The following ACTR8 variants were observed in gnomAD, a reference collection of about 807,000 sequenced individuals.
ACTR8 encodes actin-related protein 8.
Under a neutral mutation model 84.3 loss-of-function variants are expected in ACTR8, and 70 were observed. The observed-to-expected ratio is 0.83, with a 90% CI of 0.68 to 1.01. The LOEUF (loss-of-function observed/expected upper bound fraction) is 1.01, where lower values mean the gene tolerates loss of function less well. Ranked by LOEUF, ACTR8 falls within the 50% of genes least tolerant of loss-of-function variation. The pLI is 0.00. For synonymous variants in ACTR8, 268 were observed against 275.2 expected (o/e 0.97, Z 0.26); for missense variants, 672 against 775.4 (o/e 0.87, Z 1.58).
chr3:53,878,657 T>C (rs1700012440), intron 2 of ACTR8, among the ~76,000 whole-genome samples, 190 bp from the exon 3 acceptor site: 2 of 152,118 alleles, frequency 1.3e-5, no homozygotes, highest in Non-Finnish European at 2.9e-5. Flanking sequence ...ACACCATCTC[T>C]ACAAAAAATA....
chr3:53,877,799 G>A, intron 3 of ACTR8, 48 bp from the exon 4 acceptor site: 1 of 1,530,460 alleles, frequency 6.5e-7, no homozygotes, highest in Non-Finnish European at 9.0e-7. Context: ...TTCAAGGCGG[G>A]GGCAACATAA....
Position 53,871,428 on chromosome 3 carries a change from G to A in ACTR8, c.1371C>T (p.Gly457=), listed in dbSNP as rs768538846. ...KPIGFEGDLR[G]QSSDLPERLH... is the part of the protein sequence containing the mutation. ...GTCTTTCTGGAAGATCAGAGGACTG[G>A]CCACGAAGATCCCCTTCAAATCCAA... Residue 457 remains glycine, a synonymous_variant, in exon 11 of 13, where the codon GGC becomes GGT. Transcript: ENST00000335754. The A allele has an allele frequency of 2.0e-5, 33 of 1,614,076 alleles. No individual in the cohort carries two copies. Among genetic ancestry groups the A allele is most frequent in the Non-Finnish European group, 2.8e-5 (33 of 1,180,038 alleles).
chr3:53,869,433 GACTT>G (rs1169651253), intron 12 of ACTR8, among the ~76,000 whole-genome samples: 4 of 152,142 alleles, frequency 2.6e-5, no homozygotes, highest in Non-Finnish European at 2.9e-5. Flanking sequence ...ATAAATAAAT[GACTT>G]ACTTATTTCG....
At chr3:53,881,496 G>T (rs994217884) in intron 1 of ACTR8, among the ~76,000 whole-genome samples, 22 of 152,144 alleles carry the variant, frequency 1.4e-4, no homozygotes, top group South Asian at 6.2e-4. Context: ...TTGCTTTTAA[G>T]CTTGAAATGA....
In ACTR8 at chr3:53,876,009, C is replaced by T. The variant is rs752599288; in HGVS notation, c.850G>A (p.Val284Ile). Residue 284 changes from valine to isoleucine, a missense_variant, in exon 7 of 13, where the codon GTT (valine) becomes ATT (isoleucine). By Grantham distance (29) the Val-to-Ile change is conservative. Transcript: ENST00000335754. ...CATACACTTGTCTTCTGGTCCCCAA[C>T]GTCTACAATACACGTGCTGCTTAAG... The part of the protein sequence containing the change: ...SGLSSTCIVD[V>I]GDQKTSVCCV... 1.2e-5 allele frequency: 19 copies of T among 1,614,172 alleles called. No homozygotes were observed. Among genetic ancestry groups the T allele is most frequent in the African/African-American group, 4.0e-5 (3 of 75,048 alleles).
Position 53,871,513 on chromosome 3 carries a change from C to T in ACTR8, c.1303-17G>A, listed in dbSNP as rs1426042182. On this transcript the variant is annotated splice_polypyrimidine_tract_variant and intron_variant, in intron 10 of 12. Coordinates refer to ENST00000335754, the MANE Select transcript of ACTR8 (RefSeq NM_022899.5). ...TTTTGCAGACTTTAAATCAAAAGGA[C>T]AATCAAGTATGTGGTATTACAACAA... 2 of 1,613,034 alleles carry T rather than the reference C, an allele frequency of 1.2e-6. No homozygotes were observed. The highest frequency in any genetic ancestry group is 1.7e-5 in the Admixed American group (1 of 59,988).
chr3:53,880,459 CA>C (rs771936514), intron 1 of ACTR8, among the ~76,000 whole-genome samples: 2 of 152,192 alleles, frequency 1.3e-5, no homozygotes, highest in Non-Finnish European at 2.9e-5. Context: ...GATCTGTCTG[CA>C]AATTCAGACT....
At chr3:53,875,838 T>C in intron 7 of ACTR8, 110 bp downstream of exon 7, 2 of 1,494,900 alleles carry the variant, frequency 1.3e-6, no homozygotes, top group Admixed American at 2.0e-5. Flanking sequence ...ATGCAGACTT[T>C]TGAATTTATG....
chr3:53,866,627 ACC>A (rs1699789671), downstream of ACTR8, among the ~76,000 whole-genome samples: 1 of 148,094 alleles, frequency 6.8e-6, no homozygotes, highest in African/African-American at 2.5e-5. Flanking sequence ...GACTACAGGC[ACC>A]CACCACCACA....
intron 1 of ACTR8, chr3:53,881,700 G>A (rs1036061004): frequency 1.9e-6 from 1 of 535,470 alleles, no homozygotes; most frequent in South Asian, 2.0e-5. Context: ...GCTGAGGCCA[G>A]AGCCCGGGCA....
downstream of ACTR8, among the ~76,000 whole-genome samples, chr3:53,866,638 C>T (rs527521403): frequency 9.3e-5 from 13 of 139,896 alleles, no homozygotes; most frequent in East Asian, 2.8e-3. Flanking sequence ...CCCACCACCA[C>T]ACCCAGCTAA....
intron 1 of ACTR8, 121 bp downstream of exon 1, chr3:53,881,858 C>G: frequency 2.5e-6 from 1 of 392,576 alleles, no homozygotes; most frequent in Non-Finnish European, 3.0e-6. Context: ...CTTCCGCACT[C>G]CCCCCACCAG....
chr3:53,881,683 C>G, intron 1 of ACTR8: 1 of 500,102 alleles, frequency 2.0e-6, no homozygotes, highest in Non-Finnish European at 3.6e-6. Flanking sequence ...GTTTTATGGT[C>G]GGGGAAGCTG....
intron 12 of ACTR8, 128 bp from the exon 13 acceptor site, chr3:53,868,990 T>TTA: frequency 7.7e-7 from 1 of 1,300,038 alleles, no homozygotes; most frequent in Admixed American, 2.9e-5. Context: ...CACCCTGTAT[T>TTA]AAAGACAGCA....
At chr3:53,881,749 C>T (rs994167219) in intron 1 of ACTR8, 45 of 639,530 alleles carry the variant, frequency 7.0e-5, no homozygotes, top group Non-Finnish European at 1.1e-4. Context: ...TGCGGGAGAT[C>T]GGAGCGGTGT....
Position 53,878,373 on chromosome 3 carries a change from G to A in ACTR8, c.389C>T (p.Pro130Leu), listed in dbSNP as rs760499575. 6.2e-7 allele frequency: 1 copy of A among 1,611,530 alleles called. No individual in the cohort carries two copies. Among genetic ancestry groups the A allele is most frequent in the Non-Finnish European group, 8.5e-7 (1 of 1,178,104 alleles). The change falls in exon 3 of 13, where the codon CCT (proline) becomes CTT (leucine). Residue 130 changes from proline to leucine, a missense_variant. Pro to Leu is a moderately conservative substitution (Grantham distance 98, BLOSUM62 -3). Transcript: ENST00000335754. ...TAATCGAACCTGTTCAGGGGACACA[G>A]GAATGCGTCTTGTACCATTGGACAT... ...KKMSNGTRRI[P>L]VSPEQARSYN...
chr3:53,860,765 T>TC, the ACTR8 span: 1 of 152,078 alleles, frequency 6.6e-6, no homozygotes, highest in Admixed American at 6.6e-5. Context: ...ATTAAAATAT[T>TC]GAAAAAAATG....
downstream of ACTR8, chr3:53,865,346 A>ACAGGTTTT: frequency 6.6e-7 from 1 of 1,504,264 alleles, no homozygotes; most frequent in Non-Finnish European, 9.0e-7. Context: ...AAGGCTTCCT[A>ACAGGTTTT]TCCCACCAAT....
In ACTR8 at chr3:53,876,008, A is replaced by G. The variant is rs765121042; in HGVS notation, c.851T>C (p.Val284Ala). ...SGLSSTCIVD[V>A]GDQKTSVCCV... The stretch of plus-strand genomic sequence containing the variant: ...GCATACACTTGTCTTCTGGTCCCCA[A>G]CGTCTACAATACACGTGCTGCTTAA... Residue 284 changes from valine (V) to alanine (A), a missense_variant, in exon 7 of 13, where the codon GTT becomes GCT. Val to Ala is a moderately conservative substitution (Grantham distance 64). Transcript: ENST00000335754. 6.2e-6 allele frequency: 10 copies of G among 1,614,094 alleles called. No homozygotes were observed. Among genetic ancestry groups the G allele is most frequent in the Non-Finnish European group, 8.5e-6 (10 of 1,180,024 alleles).
Sources: gnomAD v4.1 joint callset for allele counts (sites outside exome capture counted in the v4.1 genomes callset) on GRCh38, gnomAD v4.1.1 for gene constraint, MANE v1.5 for transcripts, NCBI Gene and HGNC (gene_info 2026-07-23, HGNC 2026-07-21) for gene names.